Variants in PATJ observed in about 807,000 individuals in gnomAD.
The protein encoded by PATJ is inaD-like protein.
Under a neutral mutation model 224.9 loss-of-function variants are expected in PATJ, and 190 were observed. That is an observed-to-expected ratio of 0.84 (90% confidence interval 0.75 to 0.95). The LOEUF (loss-of-function observed/expected upper bound fraction) is 0.95, where lower values mean the gene tolerates loss of function less well. Ranked by LOEUF, PATJ falls within the 40% of genes least tolerant of loss-of-function variation. PATJ has a pLI of 0.00. For synonymous variants in PATJ, 769 were observed against 820.3 expected, an observed-to-expected ratio of 0.94 and a Z score of 1.07; for missense variants, 2,121 against 2,270.3, an observed-to-expected ratio of 0.93 and a Z score of 1.34.
At chr1:62,005,423 T>G (rs576429774) in intron 28 of PATJ, among the ~76,000 whole-genome samples, 23 of 151,890 alleles carry the variant, frequency 1.5e-4, no homozygotes, top group African/African-American at 5.6e-4. Flanking sequence ...TGTGGTTTTT[T>G]TTTTTTTTTC....
chr1:61,961,917 C>T (rs577987425), intron 27 of PATJ, among the ~76,000 whole-genome samples: 5 of 147,886 alleles, frequency 3.4e-5, no homozygotes, highest in South Asian at 2.1e-4. Flanking sequence ...TGCAGTGAGC[C>T]GAGATCACGC....
At chr1:62,007,314 A>G (rs530204255) in intron 28 of PATJ, among the ~76,000 whole-genome samples, 10 of 152,370 alleles carry the variant, frequency 6.6e-5, no homozygotes, top group Non-Finnish European at 2.9e-5. Flanking sequence ...ACTATCTGGA[A>G]GACCTCAGAA....
chr1:61,764,196 A>G (rs919194647), intron 3 of PATJ, among the ~76,000 whole-genome samples: 2 of 152,148 alleles, frequency 1.3e-5, no homozygotes, highest in Non-Finnish European at 2.9e-5. Context: ...ATGCCCTTAT[A>G]GCACAATAGT....
At chr1:62,011,413 C>T (rs1464580739) in intron 28 of PATJ, among the ~76,000 whole-genome samples, 1 of 151,914 alleles carries the variant, frequency 6.6e-6, no homozygotes, top group Non-Finnish European at 1.5e-5. Context: ...CGGAAGGCCT[C>T]GGAGGAGAGA....
chr1:61,968,030 C>G (rs550068017), intron 27 of PATJ, among the ~76,000 whole-genome samples: 1 of 152,062 alleles, frequency 6.6e-6, no homozygotes, highest in African/African-American at 2.4e-5. Flanking sequence ...AAAAAAAATC[C>G]AAGAAGATAT....
chr1:61,994,080 G>A (rs1465989809), intron 28 of PATJ, among the ~76,000 whole-genome samples: 1 of 152,042 alleles, frequency 6.6e-6, no homozygotes, highest in Non-Finnish European at 1.5e-5. Context: ...AAAATATGTT[G>A]GAATATAGAT....
chr1:61,966,363 C>A (rs1308374461), intron 27 of PATJ, among the ~76,000 whole-genome samples: 2 of 152,138 alleles, frequency 1.3e-5, no homozygotes, highest in South Asian at 2.1e-4. Flanking sequence ...TCTTGGATCT[C>A]GCGCCAAGGC....
intron 1 of PATJ, among the ~76,000 whole-genome samples, chr1:61,759,537 G>C (rs1034313290): frequency 1.3e-5 from 2 of 151,148 alleles, no homozygotes; most frequent in Non-Finnish European, 2.9e-5. Context: ...AGCCTCCCAA[G>C]TAGCTGGGAT....
At chr1:61,986,570 C>T (rs543231855) in intron 27 of PATJ, among the ~76,000 whole-genome samples, 2 of 152,162 alleles carry the variant, frequency 1.3e-5, no homozygotes, top group South Asian at 4.1e-4. Flanking sequence ...TAGGCGCGTG[C>T]CGCTATGCTG....
chr1:61,954,622 T>G (rs1481372890), intron 27 of PATJ, among the ~76,000 whole-genome samples: 5 of 152,224 alleles, frequency 3.3e-5, no homozygotes, highest in Non-Finnish European at 7.3e-5. Flanking sequence ...GCCTCTTTTT[T>G]GCTGAATGTA....
chr1:61,826,950 A>G (rs1658374181), intron 15 of PATJ, among the ~76,000 whole-genome samples: 1 of 152,208 alleles, frequency 6.6e-6, no homozygotes, highest in African/African-American at 2.4e-5. Flanking sequence ...TTTAAGCAGT[A>G]AATTAAACAT....
rs1652544689 is a variant in PATJ at position 61,801,740 on chromosome 1, A to G, written c.1520A>G (p.Asn507Ser). The change falls in exon 12 of 44, where the codon AAT becomes AGT. Residue 507 changes from asparagine (N) to serine (S), a missense_variant. By Grantham distance (46) the Asn-to-Ser change is conservative. Coordinates refer to ENST00000642238, the MANE Select transcript of PATJ (RefSeq NM_001350145.3). ...EIKERIDTLK[N>S]DNIQALEKLE... ...AAAGAAAGAATTGATACTTTAAAAA[A>G]TGACAACATACAAGCCTTAGAAAAA... is the stretch of plus-strand genomic sequence containing the variant. 1 of 1,600,060 alleles carries G rather than the reference A, an allele frequency of 6.2e-7. No individual in the cohort carries two copies. The highest frequency in any genetic ancestry group is 1.7e-5 in the Admixed American group (1 of 58,820).
chr1:61,795,744 G>A (rs193260951), intron 10 of PATJ, among the ~76,000 whole-genome samples, 186 bp downstream of exon 10: 74 of 151,904 alleles, frequency 4.9e-4, no homozygotes, highest in Admixed American at 7.2e-4. Flanking sequence ...TTTTTTCACC[G>A]TCAGTGAAGA....
At position 61,864,345 on chromosome 1, in the gene PATJ, G is replaced by T. The variant is rs1208882974; in HGVS notation, c.2547G>T (p.Glu849Asp). Reference sequence around the variant, plus strand: ...AAAAAGAGATAGAGCAAAGCAAGGAGGCCTGGGAGATGCATGAATTTCTGA... The same window carrying T: ...AAAAAGAGATAGAGCAAAGCAAGGATGCCTGGGAGATGCATGAATTTCTGA... ...SQQKEIEQSK[E>D]AWEMHEFLTP... Residue 849 changes from glutamate (E) to aspartate (D), a missense_variant, in exon 20 of 44, where the codon GAG (glutamate) becomes GAT (aspartate). Transcript: ENST00000642238. 6.2e-7 allele frequency: 1 copy of T among 1,614,134 alleles called. No individual in the cohort carries two copies. The highest frequency in any genetic ancestry group is 8.5e-7 in the Non-Finnish European group (1 of 1,179,952).
intron 41 of PATJ, among the ~76,000 whole-genome samples, chr1:62,144,777 A>ATAT (rs1553280094): frequency 0.023 from 2,702 of 119,102 alleles, 84 homozygotes; most frequent in African/African-American, 0.027. Flanking sequence ...AAAAAAAAAA[A>ATAT]ATATATATAT....
intron 27 of PATJ, among the ~76,000 whole-genome samples, chr1:61,947,746 C>T (rs1039480349): frequency 6.6e-6 from 1 of 152,088 alleles, no homozygotes; most frequent in Non-Finnish European, 1.5e-5. Flanking sequence ...AAAAAGAGCC[C>T]GCATTGCCAA....
At chr1:62,160,145 G>T (rs1669707509) in intron 43 of PATJ, among the ~76,000 whole-genome samples, 2 of 151,934 alleles carry the variant, frequency 1.3e-5, no homozygotes, top group African/African-American at 4.8e-5. Context: ...ATTTTTTAAG[G>T]TCTTTTCTTC....
rs111687181 is a variant in PATJ at position 62,123,768 on chromosome 1, T to C, written c.5043+710T>C. Among the ~76,000 whole-genome samples, 4,314 of 140,218 alleles carry C rather than the reference T, an allele frequency of 0.031. 1,483 individuals carry two copies. The East Asian group carries it at 0.38, about 13-fold the overall frequency. The allele number at this position is 140,218 out of a possible 152,430, so 92.0% of individuals were successfully genotyped here. ...CTGGGATTACAGGCGTGAGGCACCG[T>C]GCCCGGCCAAATGTGCTATAAGTTT... On this transcript the variant is annotated intron_variant, in intron 39 of 43. Coordinates refer to ENST00000642238, the MANE Select transcript of PATJ (RefSeq NM_001350145.3).
rs1647644936 is a variant in PATJ, at chr1:62,025,317, G to A, written c.3959+7370G>A. ...CATCACTCATTACCATTGCCAAACC[G>A]TTGCTGGCTCTTGAAATGAGATTAC... On this transcript the variant is annotated intron_variant, in intron 29 of 43. Transcript: ENST00000642238. Among the ~76,000 whole-genome samples the A allele has an allele frequency of 2.6e-5, 4 of 152,088 alleles. No individual in the cohort carries two copies. The South Asian group carries it at 6.2e-4, about 24-fold the overall frequency.
Sources: allele counts gnomAD v4.1 joint callset (sites outside exome capture counted in the v4.1 genomes callset), GRCh38; gene constraint gnomAD v4.1.1; transcripts MANE v1.5; gene names NCBI Gene and HGNC (gene_info 2026-07-23, HGNC 2026-07-21).